Variants in NUP155 observed in about 807,000 individuals in gnomAD.
NUP155 encodes nuclear pore complex protein Nup155.
A neutral mutation model predicts 180.4 loss-of-function variants in NUP155; 71 were observed. The observed-to-expected ratio is 0.39, with a 90% confidence interval of 0.33 to 0.48. NUP155 has a LOEUF of 0.48. Ranked by LOEUF, NUP155 falls within the 20% of genes least tolerant of loss-of-function variation. NUP155 has a pLI of 0.91. For synonymous variants in NUP155, 582 were observed against 559.5 expected, an observed-to-expected ratio of 1.04 and a Z score of -0.57; for missense variants, 1,553 against 1,648.9, an observed-to-expected ratio of 0.94 and a Z score of 1.01.
intron 32 of NUP155, among the ~76,000 whole-genome samples, chr5:37,298,253 A>AG (rs1742691976): frequency 6.6e-6 from 1 of 151,508 alleles, no homozygotes; most frequent in African/African-American, 2.4e-5. Flanking sequence ...AAAAAAAAAA[A>AG]GTTATATTGT....
chr5:37,348,929 T>G (rs1746281679), intron 8 of NUP155, among the ~76,000 whole-genome samples: 1 of 152,052 alleles, frequency 6.6e-6, no homozygotes, highest in African/African-American at 2.4e-5. Context: ...CTAATTTTTG[T>G]ATTTTTAGTA....
intron 33 of NUP155, among the ~76,000 whole-genome samples, chr5:37,293,615 G>T (rs1461480930): frequency 6.6e-6 from 1 of 152,180 alleles, no homozygotes; most frequent in Non-Finnish European, 1.5e-5. Context: ...GTCTGATAAG[G>T]TTCAGCAGGG....
Position 37,351,347 on chromosome 5 carries a change from A to G in NUP155, c.566T>C (p.Val189Ala), listed in dbSNP as rs752828909. The G allele has an allele frequency of 1.9e-6, 3 of 1,610,560 alleles. No individual in the cohort carries two copies. The African/African-American group carries it at 4.0e-5, about 22-fold the overall frequency. The change falls in exon 6 of 35, where the codon GTT (valine) becomes GCT (alanine). Residue 189 changes from valine to alanine, a missense_variant. Transcript: ENST00000231498. ...TCCACCAGACAAACTATCATTAAGAACTCCAGAACCTATTTAAGAAAGAAT... is the reference window on the plus strand; with the variant it reads ...TCCACCAGACAAACTATCATTAAGAGCTCCAGAACCTATTTAAGAAAGAAT... ...SYANLQTGSG[V>A]LNDSLSGGMQ...
Position 37,290,467 on chromosome 5 carries a change from G to C in NUP155, c.*1433C>G, listed in dbSNP as rs1406458829. Reference sequence around the variant, plus strand: ...CACTCCAGGCTGGGCTACAGGGTGAGATTCTGTCTCCAAAAAAAAAAAAAA... The same window carrying C: ...CACTCCAGGCTGGGCTACAGGGTGACATTCTGTCTCCAAAAAAAAAAAAAA... On this transcript the variant is annotated 3_prime_UTR_variant, in exon 35 of 35. Transcript: ENST00000231498. The C allele has an allele frequency of 1.4e-5, 2 of 147,872 alleles. No individual in the cohort carries two copies. The highest frequency in any genetic ancestry group is 5.2e-5 in the African/African-American group (2 of 38,752). The allele number at this position is 147,872 out of a possible 1,614,324, so 9.2% of individuals were successfully genotyped here. A position where few individuals can be genotyped will look rare whatever the true frequency, so the allele number is the denominator to read the frequency against.
intron 13 of NUP155, among the ~76,000 whole-genome samples, chr5:37,332,689 T>G (rs879782708): frequency 6.6e-6 from 1 of 152,172 alleles, no homozygotes; most frequent in Non-Finnish European, 1.5e-5. Context: ...CTGGGCAGAT[T>G]GGCTCTCGCC....
At chr5:37,315,127 G>A (rs1052229735) in intron 21 of NUP155, among the ~76,000 whole-genome samples, 5 of 152,246 alleles carry the variant, frequency 3.3e-5, no homozygotes, top group Non-Finnish European at 7.3e-5. Flanking sequence ...AGCTACTTGA[G>A]AGGCTGAGGC....
rs1336634521 is a variant in NUP155 at position 37,290,122 on chromosome 5, A to C, written c.*1778T>G. 6.6e-6 allele frequency: 1 copy of C among 152,248 alleles called. No individual in the cohort carries two copies. Among genetic ancestry groups the C allele is most frequent in the Non-Finnish European group, 1.5e-5 (1 of 68,044 alleles). The allele number at this position is 152,248 out of a possible 1,614,324, so 9.4% of individuals were successfully genotyped here. On this transcript the variant is annotated 3_prime_UTR_variant, in exon 35 of 35. Coordinates refer to ENST00000231498, the MANE Select transcript of NUP155 (RefSeq NM_153485.3). ...AAAATATATTCAAAATGTATTGTAC[A>C]AATTGTTAGACATGCATCACTTACA...
chr5:37,342,883 C>T (rs546327910), intron 9 of NUP155, among the ~76,000 whole-genome samples: 6 of 151,956 alleles, frequency 3.9e-5, no homozygotes, highest in South Asian at 2.1e-4. Context: ...ATTACGGGCT[C>T]GCGCCAGCAC....
At chr5:37,347,206 C>T (rs533207792) in intron 9 of NUP155, among the ~76,000 whole-genome samples, 3 of 151,990 alleles carry the variant, frequency 2.0e-5, no homozygotes, top group Non-Finnish European at 4.4e-5. Flanking sequence ...CCAGCCTGGG[C>T]AACAGAGCGA....
intron 21 of NUP155, 109 bp downstream of exon 21, chr5:37,317,879 A>ATATT: frequency 1.0e-5 from 8 of 775,032 alleles, no homozygotes; most frequent in Non-Finnish European, 1.9e-5. Context: ...TTAATTACAA[A>ATATT]TATTTGTGTA....
In NUP155 at chr5:37,327,633, T is replaced by C. The variant is rs890750847; in HGVS notation, c.2020A>G (p.Met674Val). ...ATTATTTCATGACAAACTTACCCCA[T>C]GATCCGAGAAAAGTAAATGCAAATA... ...NGICIYFSRI[M>V]GNIWDASLVV... The change falls in exon 18 of 35, where the codon ATG becomes GTG. Residue 674 changes from methionine (M) to valine (V), a missense_variant. Met to Val is a conservative substitution (Grantham distance 21). Coordinates refer to ENST00000231498, the MANE Select transcript of NUP155 (RefSeq NM_153485.3). 6.2e-7 allele frequency: 1 copy of C among 1,613,976 alleles called. No homozygotes were observed. The highest frequency in any genetic ancestry group is 8.5e-7 in the Non-Finnish European group (1 of 1,179,988).
intron 33 of NUP155, 52 bp downstream of exon 33, chr5:37,294,275 CAA>C (rs1317675346): frequency 8.6e-6 from 11 of 1,272,492 alleles, no homozygotes; most frequent in East Asian, 5.1e-5. Flanking sequence ...TCTATATCTA[CAA>C]AGTTACTTTA....
At position 37,371,053 on chromosome 5, in the gene NUP155, C is replaced by T. The variant is rs1440483315; in HGVS notation, c.-76G>A. ...AACAAGAAAAGATCCAAGAAGTTAG[C>T]TTAGATCCGCCGCCTAGGGCGCGCG... is the stretch of plus-strand genomic sequence containing the variant. On this transcript the variant is annotated 5_prime_UTR_variant, in exon 1 of 35. Coordinates refer to ENST00000231498, the MANE Select transcript of NUP155 (RefSeq NM_153485.3). The T allele has an allele frequency of 6.6e-7, 1 of 1,525,504 alleles. No individual in the cohort carries two copies. Among genetic ancestry groups the T allele is most frequent in the East Asian group, 2.3e-5 (1 of 44,342 alleles). The allele number at this position is 1,525,504 out of a possible 1,614,324, so 94.5% of individuals were successfully genotyped here.
At chr5:37,304,967 C>T (rs1235329804) in intron 26 of NUP155, 90 bp downstream of exon 26, 3 of 1,538,626 alleles carry the variant, frequency 1.9e-6, no homozygotes, top group Non-Finnish European at 2.7e-6. Flanking sequence ...CTAAGAACTA[C>T]CACCTTTCCC....
chr5:37,328,434 G>A lies in NUP155; in HGVS notation c.1814-14C>T. 6.4e-7 allele frequency: 1 copy of A among 1,555,564 alleles called. No homozygotes were observed. The highest frequency in any genetic ancestry group is 2.2e-5 in the East Asian group (1 of 44,564). On this transcript the variant is annotated splice_polypyrimidine_tract_variant and intron_variant, in intron 16 of 34. Coordinates refer to ENST00000231498, the MANE Select transcript of NUP155 (RefSeq NM_153485.3). ...GAACAGGAGAACCTAAAAAGGGAAA[G>A]AAGAATATAAAGATTTAGAAAAGAA...
At chr5:37,355,547 G>GTGTGTATATATA (rs977072922) in intron 4 of NUP155, among the ~76,000 whole-genome samples, 5 of 147,332 alleles carry the variant, frequency 3.4e-5, no homozygotes, top group African/African-American at 1.0e-4. Flanking sequence ...GTGTGTGTGT[G>GTGTGTATATATA]TATATATATA....
At chr5:37,317,880 T>C in intron 21 of NUP155, 108 bp downstream of exon 21, 1 of 776,604 alleles carries the variant, frequency 1.3e-6, no homozygotes, top group Admixed American at 1.7e-5. Context: ...TAATTACAAA[T>C]ATTTGTGTAC....
chr5:37,299,699 T>C, intron 30 of NUP155, 131 bp from the exon 31 acceptor site: 1 of 941,212 alleles, frequency 1.1e-6, no homozygotes, highest in Non-Finnish European at 1.6e-6. Context: ...GATATAAAGA[T>C]GTGATGATGT....
chr5:37,348,573 T>C lies in NUP155; in HGVS notation c.927A>G (p.Gly309=), dbSNP rs112618041. 4.3e-6 allele frequency: 7 copies of C among 1,610,394 alleles called. No homozygotes were observed. Among genetic ancestry groups the C allele is most frequent in the Admixed American group, 3.3e-5 (2 of 60,012 alleles). The change falls in exon 9 of 35, where the codon GGA becomes GGG. Residue 309 remains glycine (G), a synonymous_variant. Transcript: ENST00000231498. ...VIQVYDLGQD[G]QGMSRVASVS... is the part of the protein sequence containing the mutation. The stretch of plus-strand genomic sequence containing the variant: ...CAGAGGCAACTCTGCTCATTCCTTG[T>C]CCATCTTGTCCCAAATCATACACCT...
Sources: gnomAD v4.1 joint callset for allele counts (sites outside exome capture counted in the v4.1 genomes callset) on GRCh38, gnomAD v4.1.1 for gene constraint, MANE v1.5 for transcripts, NCBI Gene and HGNC (gene_info 2026-07-23, HGNC 2026-07-21) for gene names.